EML4: variants seen among roughly 807,000 people sequenced by gnomAD.
EML4 encodes EMAP like 4.
Under a neutral mutation model 129.0 loss-of-function variants are expected in EML4, and 72 were observed. The ratio of observed to expected loss-of-function variants is 0.56; its 90% CI spans 0.46 to 0.68. The LOEUF is 0.68. Ranked by LOEUF, EML4 falls within the 30% of genes least tolerant of loss-of-function variation. The pLI is 0.00. For synonymous variants in EML4, 532 were observed against 405.0 expected (o/e 1.31, Z -3.77); for missense variants, 1,363 against 1,190.6 (o/e 1.14, Z -2.13).
chr2:42,240,183 CTG>C (rs1279239080), intron 1 of EML4, among the ~76,000 whole-genome samples: 2 of 152,164 alleles, frequency 1.3e-5, no homozygotes, highest in Non-Finnish European at 2.9e-5. Context: ...CACTGGAACA[CTG>C]TAACTGGAGG....
intron 1 of EML4, among the ~76,000 whole-genome samples, chr2:42,200,153 CAAAAAAAAAA>C (rs11421705): frequency 1.2e-5 from 1 of 84,466 alleles, no homozygotes; most frequent in Non-Finnish European, 2.5e-5. Flanking sequence ...ACTAAAAATA[CAAAAAAAAAA>C]AAAAAAAAAA....
At chr2:42,245,715 T>A in intron 2 of EML4, 28 bp downstream of exon 2, 1 of 1,525,930 alleles carries the variant, frequency 6.6e-7, no homozygotes, top group Admixed American at 2.2e-5. Context: ...TTAAAAAGAG[T>A]CTTGCTTTTT....
chr2:42,255,328 G>A (rs185978557), intron 2 of EML4, among the ~76,000 whole-genome samples: 8 of 151,914 alleles, frequency 5.3e-5, no homozygotes, highest in African/African-American at 1.9e-4. Flanking sequence ...CTCGTGATCC[G>A]CCCACCTCAG....
intron 2 of EML4, 131 bp from the exon 3 acceptor site, chr2:42,256,370 G>T (rs1363172912): frequency 2.4e-6 from 2 of 817,250 alleles, no homozygotes; most frequent in Non-Finnish European, 1.9e-6. Context: ...TTCTGCTCAA[G>T]AGTTATAAAC....
At chr2:42,303,028 A>T (rs1668379085) in intron 14 of EML4, 76 bp from the exon 15 acceptor site, 1 of 1,452,564 alleles carries the variant, frequency 6.9e-7, no homozygotes, top group East Asian at 2.3e-5. Flanking sequence ...AATTGCTTAC[A>T]GCTATAAATG....
At chr2:42,310,711 A>G (rs1461636535) in intron 17 of EML4, among the ~76,000 whole-genome samples, 3 of 152,276 alleles carry the variant, frequency 2.0e-5, no homozygotes, top group African/African-American at 7.2e-5. Context: ...GTAAAAACTT[A>G]AATATTTATT....
At chr2:42,329,480 T>G (rs542798997) in intron 22 of EML4, among the ~76,000 whole-genome samples, 64 of 152,294 alleles carry the variant, frequency 4.2e-4, no homozygotes, top group African/African-American at 1.4e-3. Context: ...AGACAGACTT[T>G]TAGCTATTTT....
chr2:42,187,022 CT>C (rs925233132), intron 1 of EML4, among the ~76,000 whole-genome samples: 5 of 112,558 alleles, frequency 4.4e-5, no homozygotes, highest in Non-Finnish European at 8.5e-5. Context: ...TGTATTTTGT[CT>C]TTTTTTTCTT....
chr2:42,295,717 C>T (rs1269285520), intron 13 of EML4, among the ~76,000 whole-genome samples: 5 of 152,132 alleles, frequency 3.3e-5, no homozygotes, highest in Non-Finnish European at 7.4e-5. Flanking sequence ...ATATAACCCA[C>T]ATTTGACTAT....
chr2:42,200,925 C>A (rs544302151), intron 1 of EML4, among the ~76,000 whole-genome samples: 1 of 152,146 alleles, frequency 6.6e-6, no homozygotes, highest in African/African-American at 2.4e-5. Context: ...TTTTCCACTT[C>A]CCCTGTTCTC....
In EML4 at chr2:42,321,300, A is replaced by G. The variant is rs184859776; in HGVS notation, c.2154+3776A>G. 1.3e-4 allele frequency among the ~76,000 whole-genome samples: 20 copies of G among 151,974 alleles called. No homozygotes were observed. The East Asian group carries it at 1.9e-3, about 15-fold the overall frequency. On this transcript the variant is annotated intron_variant, in intron 19 of 22. Coordinates refer to ENST00000318522, the MANE Select transcript of EML4 (RefSeq NM_019063.5). ...TGGGAGGCTGAGGCAGGAGAATGGC[A>G]TGAACCCGGGAGGCGGAGCTTGCAG...
chr2:42,310,757 C>T (rs1381603778), intron 17 of EML4, among the ~76,000 whole-genome samples: 20 of 152,314 alleles, frequency 1.3e-4, no homozygotes, highest in African/African-American at 4.3e-4. Context: ...AGGCCCAGGC[C>T]GGAAGATCTC....
At chr2:42,240,395 C>T (rs927867653) in intron 1 of EML4, among the ~76,000 whole-genome samples, 2 of 152,144 alleles carry the variant, frequency 1.3e-5, no homozygotes, top group African/African-American at 4.8e-5. Flanking sequence ...GTGTGTACTT[C>T]ACAACTTCTT....
chr2:42,271,649 C>T (rs754850460), intron 6 of EML4, among the ~76,000 whole-genome samples: 5 of 152,232 alleles, frequency 3.3e-5, no homozygotes, highest in South Asian at 2.1e-4. Context: ...TAATCTTATA[C>T]GTATTTATTG....
rs572607239 is a variant in EML4, at chr2:42,169,901, C to T, written c.25+265C>T. Reference sequence around the variant, plus strand: ...GCCCTCGTTCCCCCAAAGTGGGAACCCCTTCCTTCTCAGGCCCCCCGATAG... The same window carrying T: ...GCCCTCGTTCCCCCAAAGTGGGAACTCCTTCCTTCTCAGGCCCCCCGATAG... On this transcript the variant is annotated intron_variant, in intron 1 of 22. Transcript: ENST00000318522. 14 of 396,608 alleles carry T rather than the reference C, an allele frequency of 3.5e-5. No homozygotes were observed. In the East Asian group the frequency reaches 4.2e-4, roughly 12 times the overall value. 24.6% of individuals were successfully genotyped at this position (396,608 alleles called of 1,614,324 possible). A position where few individuals can be genotyped will look rare whatever the true frequency, so the allele number is the denominator to read the frequency against.
At chr2:42,253,587 A>G (rs1258472727) in intron 2 of EML4, among the ~76,000 whole-genome samples, 1 of 152,156 alleles carries the variant, frequency 6.6e-6, no homozygotes, top group Non-Finnish European at 1.5e-5. Flanking sequence ...ACTCAACATA[A>G]TCCAAAAGAG....
At chr2:42,269,525 C>T (rs1666253658) in intron 6 of EML4, among the ~76,000 whole-genome samples, 1 of 152,138 alleles carries the variant, frequency 6.6e-6, no homozygotes, top group Non-Finnish European at 1.5e-5. Flanking sequence ...CAGATAAATA[C>T]TTCATATGTC....
intron 13 of EML4, among the ~76,000 whole-genome samples, chr2:42,299,782 A>G (rs549204449): frequency 2.6e-5 from 4 of 152,242 alleles, no homozygotes; most frequent in South Asian, 4.1e-4. Context: ...TCCGCCTCCC[A>G]GGTTCAAGCG....
intron 21 of EML4, among the ~76,000 whole-genome samples, chr2:42,328,428 C>G (rs186263525): frequency 1.4e-3 from 218 of 152,312 alleles, no homozygotes; most frequent in African/African-American, 5.1e-3. Flanking sequence ...GAAATAATCT[C>G]TCTGAGGTTT....
Sources: allele counts gnomAD v4.1 joint callset (sites outside exome capture counted in the v4.1 genomes callset), GRCh38; gene constraint gnomAD v4.1.1; transcripts MANE v1.5; gene names NCBI Gene and HGNC (gene_info 2026-07-23, HGNC 2026-07-21).